TANC2: variants seen among roughly 807,000 people sequenced by gnomAD.
TANC2 encodes the protein tetratricopeptide repeat, ankyrin repeat and coiled-coil containing 2, also known as protein TANC2.
Under a neutral mutation model 210.5 loss-of-function variants are expected in TANC2, and 26 were observed. The observed-to-expected ratio is 0.12, with a 90% CI of 0.09 to 0.17. The LOEUF is 0.17. Ranked by LOEUF, TANC2 falls within the 10% of genes least tolerant of loss-of-function variation. TANC2 has a pLI of 1.00. For missense variants in TANC2, 2,129 were observed against 2,608.9 expected (o/e 0.82, Z 4.01); for synonymous variants, 931 against 967.1 (o/e 0.96, Z 0.69).
chr17:63,077,292 A>G (rs1448193212), intron 3 of TANC2, among the ~76,000 whole-genome samples: 1 of 152,236 alleles, frequency 6.6e-6, no homozygotes, highest in African/African-American at 2.4e-5. Flanking sequence ...ATATAAGAAT[A>G]GAATTAGATG....
chr17:63,269,335 T>C (rs1045568882), intron 9 of TANC2, among the ~76,000 whole-genome samples: 1 of 152,094 alleles, frequency 6.6e-6, no homozygotes, highest in Non-Finnish European at 1.5e-5. Flanking sequence ...AATGGAAATA[T>C]ATCAAGCACT....
chr17:63,004,363 G>A (rs1343338379), intron 1 of TANC2, among the ~76,000 whole-genome samples: 3 of 152,162 alleles, frequency 2.0e-5, no homozygotes, highest in Admixed American at 6.6e-5. Flanking sequence ...AGAAGAGGAC[G>A]TAAGAATGAA....
chr17:63,198,000 C>G (rs955982245), intron 6 of TANC2, among the ~76,000 whole-genome samples: 3 of 152,138 alleles, frequency 2.0e-5, no homozygotes, highest in Non-Finnish European at 4.4e-5. Context: ...GATACACATT[C>G]TCTGATATGT....
rs771171549 is a variant in TANC2, at chr17:63,421,821, G to C, written c.6091G>C (p.Val2031Leu). 7 of 1,614,024 alleles carry C rather than the reference G, an allele frequency of 4.3e-6. No homozygotes were observed. Among genetic ancestry groups the C allele is most frequent in the Non-Finnish European group, 5.1e-6 (6 of 1,179,904 alleles). ...CAGCCAGGCCTCCTCCTATCCCGACGTGAAGGTAGCTCGGACTCTACCTGT... is the reference window on the plus strand; with the variant it reads ...CAGCCAGGCCTCCTCCTATCCCGACCTGAAGGTAGCTCGGACTCTACCTGT... Residue 2031 changes from valine to leucine, a missense_variant, in exon 28 of 28, where the codon GTG (valine) becomes CTG (leucine). Val to Leu is a conservative substitution (Grantham distance 32). This residue lies in a region of TANC2 where 161 missense variants were observed against 178.6 expected (regional missense o/e 0.90). Coordinates refer to ENST00000689528, the Ensembl canonical transcript of TANC2. The surrounding 1 kb of genome is among the most constrained non-coding windows in gnomAD (Gnocchi z 6.9).
intron 5 of TANC2, among the ~76,000 whole-genome samples, chr17:63,184,710 A>G (rs372426271): frequency 1.3e-5 from 2 of 150,572 alleles, no homozygotes; most frequent in African/African-American, 4.9e-5. Context: ...CTGGAGTGCA[A>G]TGGCACGATC....
chr17:63,193,301 T>C (rs1172071091), intron 5 of TANC2, among the ~76,000 whole-genome samples: 3 of 152,114 alleles, frequency 2.0e-5, no homozygotes, highest in Admixed American at 6.5e-5. Context: ...AGTGAGAGTT[T>C]TGTAGAGATT....
intron 5 of TANC2, among the ~76,000 whole-genome samples, chr17:63,168,114 TC>T (rs1471332902): frequency 6.6e-6 from 1 of 152,096 alleles, no homozygotes; most frequent in Non-Finnish European, 1.5e-5. Context: ...GTGCCTGTAA[TC>T]CCAACACTTT....
At chr17:63,078,938 T>G (rs2036667414) in intron 3 of TANC2, among the ~76,000 whole-genome samples, 1 of 152,216 alleles carries the variant, frequency 6.6e-6, no homozygotes, top group East Asian at 1.9e-4. Context: ...TCTTCTATCT[T>G]CTTGCCGATT....
intron 11 of TANC2, among the ~76,000 whole-genome samples, chr17:63,339,868 TATC>T (rs1295708450): frequency 6.6e-6 from 1 of 152,234 alleles, no homozygotes; most frequent in Non-Finnish European, 1.5e-5. Flanking sequence ...TGGGTTATGA[TATC>T]ATATGCATAC....
intron 14 of TANC2, among the ~76,000 whole-genome samples, chr17:63,358,373 GAGAGTA>G (rs1254008562): frequency 7.3e-6 from 1 of 137,706 alleles, no homozygotes; most frequent in African/African-American, 2.8e-5. Context: ...GAGAGAGAGA[GAGAGTA>G]TGTGTGTGTG....
chr17:62,968,550 A>G (rs1293188750), intron 1 of TANC2: 1 of 152,252 alleles, frequency 6.6e-6, no homozygotes, highest in East Asian at 1.9e-4. Flanking sequence ...AGAGGAGAAT[A>G]AAGAGAATTC....
intron 2 of TANC2, among the ~76,000 whole-genome samples, chr17:63,058,664 A>G (rs1048995587): frequency 3.3e-5 from 5 of 152,046 alleles, no homozygotes; most frequent in Non-Finnish European, 4.4e-5. Context: ...CTCAGCACCA[A>G]TTATTGAATA....
chr17:62,981,350 C>A (rs2032288793), intron 1 of TANC2, among the ~76,000 whole-genome samples: 1 of 152,064 alleles, frequency 6.6e-6, no homozygotes, highest in Non-Finnish European at 1.5e-5. Flanking sequence ...TTCAGTTGTC[C>A]ATTAGAACCT....
intron 21 of TANC2, 117 bp downstream of exon 21, chr17:63,406,394 G>A: frequency 7.1e-7 from 1 of 1,415,570 alleles, no homozygotes. Context: ...CAGTTGGTTG[G>A]AAAATGAAAG....
In TANC2 at chr17:63,161,933, C is replaced by T. The variant is rs556677190; in HGVS notation, c.433+10553C>T. On this transcript the variant is annotated intron_variant, in intron 5 of 27. Coordinates refer to ENST00000689528, the Ensembl canonical transcript of TANC2. Reference sequence around the variant, plus strand: ...ATGTCACCTTTTCATTGAGACTTTGCATTGACACTATTAAAATTGCAACCT... The same window carrying T: ...ATGTCACCTTTTCATTGAGACTTTGTATTGACACTATTAAAATTGCAACCT... Among the ~76,000 whole-genome samples, 5 of 152,210 alleles carry T rather than the reference C, an allele frequency of 3.3e-5. No individual in the cohort carries two copies. The South Asian group carries it at 8.3e-4, about 25-fold the overall frequency.
intron 7 of TANC2, among the ~76,000 whole-genome samples, chr17:63,225,426 T>C (rs905383494): frequency 3.3e-5 from 5 of 152,170 alleles, no homozygotes; most frequent in Admixed American, 6.5e-5. Context: ...TAAGAGACAA[T>C]AGTCAGCTCC....
At chr17:63,298,251 A>C (rs2044599295) in intron 9 of TANC2, among the ~76,000 whole-genome samples, 1 of 152,240 alleles carries the variant, frequency 6.6e-6, no homozygotes, top group African/African-American at 2.4e-5. Context: ...CATACACACG[A>C]ATATACACAG....
rs762447668 is a variant in TANC2 at position 63,318,952 on chromosome 17, T to C, written c.1442-5T>C. 14 of 1,612,472 alleles carry C rather than the reference T, an allele frequency of 8.7e-6. No individual in the cohort carries two copies. The stretch of plus-strand genomic sequence containing the variant: ...GATGCAAACATCTAAATCTTTTTAA[T>C]CCAGATGTGGATGCCAACAGAGAGC... On this transcript the variant is annotated splice_region_variant and splice_polypyrimidine_tract_variant and intron_variant, in intron 10 of 27. Coordinates refer to ENST00000689528, the Ensembl canonical transcript of TANC2.
chr17:63,129,484 G>A (rs935149056), intron 4 of TANC2, among the ~76,000 whole-genome samples: 3 of 152,124 alleles, frequency 2.0e-5, no homozygotes, highest in Non-Finnish European at 4.4e-5. Context: ...CAAGTGCTTA[G>A]CAATGTGCTT....
Sources: allele counts gnomAD v4.1 joint callset (sites outside exome capture counted in the v4.1 genomes callset), GRCh38; gene constraint gnomAD v4.1.1; regional missense constraint gnomAD v4.1.1; non-coding constraint Gnocchi (gnomAD v3.1); transcripts MANE v1.5; gene names NCBI Gene and HGNC (gene_info 2026-07-23, HGNC 2026-07-21).